Variants in ARFGAP2 observed in about 807,000 individuals in gnomAD.
The protein encoded by ARFGAP2 is ARF GTPase activating protein 2.
A neutral mutation model predicts 71.9 loss-of-function variants in ARFGAP2; 45 were observed. That is an observed-to-expected ratio of 0.63 (90% CI 0.49 to 0.80). The LOEUF (loss-of-function observed/expected upper bound fraction) is 0.80, where lower values mean the gene tolerates loss of function less well. Among genes scored for constraint, ARFGAP2 ranks in the 30% least tolerant of loss-of-function variants. The pLI is 0.00. For synonymous variants in ARFGAP2, 248 were observed against 249.2 expected, an observed-to-expected ratio of 1.00 and a Z score of 0.05; for missense variants, 633 against 673.9, an observed-to-expected ratio of 0.94 and a Z score of 0.67.
intron 10 of ARFGAP2, chr11:47,168,515 T>C (rs1316464245): frequency 6.2e-6 from 2 of 320,580 alleles, no homozygotes; most frequent in African/African-American, 2.1e-5. Flanking sequence ...TTGCCTGTTA[T>C]AATTTAATTT....
In ARFGAP2 at chr11:47,171,552, G is replaced by A. The variant is rs1359808677; in HGVS notation, c.815C>T (p.Ala272Val). 5.0e-6 allele frequency: 8 copies of A among 1,614,166 alleles called. No individual in the cohort carries two copies. The highest frequency in any genetic ancestry group is 1.7e-5 in the Admixed American group (1 of 60,016). ...AKKQAEESMV[A>V]SMRLAYQELQ... ...CTCCTGGTAGGCCAGACGCATGGAG[G>A]CGACCCTTAGGGGGAACAAAGGTGT... Residue 272 changes from alanine to valine, a missense_variant, in exon 10 of 16, where the codon GCC becomes GTC. Ala to Val is a moderately conservative substitution (Grantham distance 64). Coordinates refer to ENST00000524782, the MANE Select transcript of ARFGAP2 (RefSeq NM_032389.6).
rs748817173 is a variant in ARFGAP2 at position 47,166,826 on chromosome 11, A to G, written c.1266T>C (p.Arg422=). ...TGGCTTTGGCTCCTGCGAATTTCTG[A>G]CGCGCCTCACTAGACTCGAGGCCTG... The part of the protein sequence containing the change: ...RSSGLESSEA[R]QKFAGAKAIS... The change falls in exon 13 of 16, where the codon CGT becomes CGC. Residue 422 remains arginine, a synonymous_variant. Coordinates refer to ENST00000524782, the MANE Select transcript of ARFGAP2 (RefSeq NM_032389.6). 7.4e-6 allele frequency: 12 copies of G among 1,613,906 alleles called. No homozygotes were observed. In the Admixed American group the frequency reaches 2.0e-4, roughly 27 times the overall value.
intron 15 of ARFGAP2, 142 bp downstream of exon 15, chr11:47,166,126 T>C: frequency 1.3e-6 from 1 of 798,076 alleles, no homozygotes; most frequent in Non-Finnish European, 2.1e-6. Flanking sequence ...AGCCTCCCAG[T>C]GCTGGGATTA....
Position 47,176,569 on chromosome 11 carries a change from G to A in ARFGAP2, c.138C>T (p.Cys46=). 1 of 1,614,042 alleles carries A rather than the reference G, an allele frequency of 6.2e-7. No homozygotes were observed. The highest frequency in any genetic ancestry group is 8.5e-7 in the Non-Finnish European group (1 of 1,180,034). The change falls in exon 2 of 16, where the codon TGC becomes TGT. Residue 46 remains cysteine, a synonymous_variant. Transcript: ENST00000524782. ...AGCGGTGCACCCCGGAACAGTCAAT[G>A]CACAAGAAAACACCGTACGTGATGC... ...WASITYGVFL[C]IDCSGVHRSL...
rs755729857 is a variant in ARFGAP2, at chr11:47,171,808, C to G, written c.673-8G>C. ...GCCTTTCTTGGCACCCAGCTGGGAACAGAATCATGTAAGGGGCCTTCCCAA... is the reference window on the plus strand; with the variant it reads ...GCCTTTCTTGGCACCCAGCTGGGAAGAGAATCATGTAAGGGGCCTTCCCAA... On this transcript the variant is annotated splice_region_variant and splice_polypyrimidine_tract_variant and intron_variant, in intron 8 of 15. Transcript: ENST00000524782. The G allele has an allele frequency of 6.2e-6, 10 of 1,613,138 alleles. No individual in the cohort carries two copies. The South Asian group carries it at 9.9e-5, about 16-fold the overall frequency.
chr11:47,171,665 T>TA lies in ARFGAP2; in HGVS notation c.807_808insT (p.Met270TyrfsTer15), dbSNP rs1283988114. The TA allele has an allele frequency of 6.2e-7, 1 of 1,613,656 alleles. No individual in the cohort carries two copies. The highest frequency in any genetic ancestry group is 8.5e-7 in the Non-Finnish European group (1 of 1,180,030). ...GAGGCCCCGGCAGCAAACACTTACA[T>TA]GGACTCCTCCGCCTGCTTCTTGGCA... On this transcript the variant is annotated frameshift_variant and splice_region_variant, in exon 9 of 16. Transcript: ENST00000524782. LOFTEE classifies it high-confidence loss of function.
intron 12 of ARFGAP2, 142 bp downstream of exon 12, chr11:47,167,767 T>C: frequency 2.9e-6 from 3 of 1,043,082 alleles, no homozygotes; most frequent in Non-Finnish European, 1.3e-6. Flanking sequence ...AGCCACATAG[T>C]AGTGGCTACC....
intron 7 of ARFGAP2, 63 bp downstream of exon 7, chr11:47,173,363 G>T: frequency 6.5e-7 from 1 of 1,536,248 alleles, no homozygotes; most frequent in South Asian, 1.2e-5. Context: ...TAGGACCTCT[G>T]AAAAGAACAT....
At position 47,171,722 on chromosome 11, in the gene ARFGAP2, C is replaced by T. The variant is rs770708048; in HGVS notation, c.751G>A (p.Ala251Thr). 3.1e-6 allele frequency: 5 copies of T among 1,613,842 alleles called. No individual in the cohort carries two copies. In the East Asian group the frequency reaches 1.1e-4, roughly 36 times the overall value. ...GCCTGCTGCTCACGGAGCTTCTCTG[C>T]CACCTGAGCCTGCCGCTCAATCTCA... ...FSEIERQAQV[A>T]EKLREQQAAD... Residue 251 changes from alanine (A) to threonine (T), a missense_variant, in exon 9 of 16, where the codon GCA becomes ACA. By Grantham distance (58) the Ala-to-Thr change is moderately conservative. Transcript: ENST00000524782.
rs1952779788 is a variant in ARFGAP2 at position 47,175,633 on chromosome 11, G to C, written c.264+218C>G. The C allele has an allele frequency of 3.6e-5, 23 of 639,622 alleles. 1 individual carries two copies. In the South Asian group the frequency reaches 4.5e-4, roughly 12 times the overall value. 39.6% of individuals were successfully genotyped at this position (639,622 alleles called of 1,614,324 possible). A position where few individuals can be genotyped will look rare whatever the true frequency, so the allele number is the denominator to read the frequency against. ...GACTGTGAAGGCTCCCAACTCCTGT[G>C]GCTTTTCCCCAAGAACACCTGCCCA... is the stretch of plus-strand genomic sequence containing the variant. On this transcript the variant is annotated intron_variant, in intron 3 of 15. Coordinates refer to ENST00000524782, the MANE Select transcript of ARFGAP2 (RefSeq NM_032389.6).
chr11:47,175,278 A>G lies in ARFGAP2; in HGVS notation c.300T>C (p.Asn100=), dbSNP rs748028617. The G allele has an allele frequency of 6.8e-6, 11 of 1,614,160 alleles. No individual in the cohort carries two copies. The East Asian group carries it at 2.2e-4, about 33-fold the overall frequency. The stretch of plus-strand genomic sequence containing the variant: ...GGCTATTATATTTGGTGTTGGCATC[A>G]TTGGCTGTGCATCCATGTTGGCGAA... ...AFFRQHGCTA[N]DANTKYNSRA... Residue 100 remains asparagine (N), a synonymous_variant, in exon 4 of 16, where the codon AAT becomes AAC. Transcript: ENST00000524782.
chr11:47,175,063 AT>A lies in ARFGAP2; in HGVS notation c.431del (p.Asn144IlefsTer65). 6.2e-7 allele frequency: 1 copy of A among 1,614,180 alleles called. No individual in the cohort carries two copies. Among genetic ancestry groups the A allele is most frequent in the Non-Finnish European group, 8.5e-7 (1 of 1,180,030 alleles). ...CAGAGTCCTTCTTCTCTGGGGAGTG[AT>A]TAGGAACGGCACTACTCATGTTGTC... ...WIDNMSSAVP[N>X]HSPEKKDSDF... is the part of the protein sequence containing the mutation. On this transcript the variant is annotated frameshift_variant, in exon 5 of 16. Coordinates refer to ENST00000524782, the MANE Select transcript of ARFGAP2 (RefSeq NM_032389.6). LOFTEE classifies it high-confidence loss of function.
Position 47,165,262 on chromosome 11 carries a change from G to A in ARFGAP2, c.*220C>T, listed in dbSNP as rs1952302571. On this transcript the variant is annotated 3_prime_UTR_variant, in exon 16 of 16. Coordinates refer to ENST00000524782, the MANE Select transcript of ARFGAP2 (RefSeq NM_032389.6). The stretch of plus-strand genomic sequence containing the variant: ...AAGAGTCTAACACACGGAGGGTGGT[G>A]TGAGAGGGAATAAAGGGCTCAGTCC... 1 of 439,634 alleles carries A rather than the reference G, an allele frequency of 2.3e-6. No individual in the cohort carries two copies. The highest frequency in any genetic ancestry group is 4.0e-6 in the Non-Finnish European group (1 of 252,956). 27.2% of individuals were successfully genotyped at this position (439,634 alleles called of 1,614,324 possible). A position where few individuals can be genotyped will look rare whatever the true frequency, so the allele number is the denominator to read the frequency against.
At chr11:47,172,481 G>A (rs775939995) in intron 7 of ARFGAP2, 148 bp from the exon 8 acceptor site, 42 of 1,121,098 alleles carry the variant, frequency 3.7e-5, no homozygotes, top group East Asian at 2.4e-4. Flanking sequence ...TCCAACCAGC[G>A]GTGTCAAAGC....
chr11:47,167,936 A>G lies in ARFGAP2; in HGVS notation c.1178T>C (p.Ile393Thr), dbSNP rs1952450746. ...RVEEKEPEVT[I>T]SSIRPISERA... ...TTCTGAAATAGGCCGGATGCTTGAG[A>G]TGGTCACTTCTGGCTCCTTCTCCTC... is the stretch of plus-strand genomic sequence containing the variant. Residue 393 changes from isoleucine (I) to threonine (T), a missense_variant, in exon 12 of 16, where the codon ATC (isoleucine) becomes ACC (threonine). Physicochemically the swap from Ile to Thr is moderately conservative, Grantham distance 89. Transcript: ENST00000524782. The G allele has an allele frequency of 1.9e-6, 3 of 1,612,958 alleles. No individual in the cohort carries two copies. Among genetic ancestry groups the G allele is most frequent in the Non-Finnish European group, 2.5e-6 (3 of 1,179,600 alleles).
Position 47,176,768 on chromosome 11 carries a change from C to G in ARFGAP2, c.72+14G>C. The G allele has an allele frequency of 6.2e-7, 1 of 1,614,122 alleles. No individual in the cohort carries two copies. Among genetic ancestry groups the G allele is most frequent in the Non-Finnish European group, 8.5e-7 (1 of 1,180,006 alleles). On this transcript the variant is annotated intron_variant, in intron 1 of 15. Transcript: ENST00000524782. ...AGCGGGACGAGAGACTCCGCGCGCC[C>G]CCTGCTCACGCACCTTGTTGGTTGG...
intron 8 of ARFGAP2, 133 bp downstream of exon 8, chr11:47,172,148 A>G (rs1952625507): frequency 1.1e-6 from 1 of 932,476 alleles, no homozygotes; most frequent in Non-Finnish European, 1.7e-6. Context: ...AATCCCTTTC[A>G]CAGGCGAGGT....
At position 47,173,411 on chromosome 11, in the gene ARFGAP2, C is replaced by A. The variant is rs572667447; in HGVS notation, c.619+15G>T. On this transcript the variant is annotated intron_variant, in intron 7 of 15. Transcript: ENST00000524782. ...CTCTCCCAGACACCCCACGCCTGCC[C>A]GCTGGCATACTGACCCAGTGAGGCT... 1.3e-6 allele frequency: 2 copies of A among 1,552,764 alleles called. No individual in the cohort carries two copies. Among genetic ancestry groups the A allele is most frequent in the East Asian group, 2.4e-5 (1 of 41,124 alleles).
intron 10 of ARFGAP2, among the ~76,000 whole-genome samples, chr11:47,170,187 G>A (rs1952539504): frequency 6.6e-6 from 1 of 151,090 alleles, no homozygotes. Flanking sequence ...AGCTGGGCAT[G>A]GTGGCACATG....
Sources: gnomAD v4.1 joint callset for allele counts (sites outside exome capture counted in the v4.1 genomes callset) on GRCh38, gnomAD v4.1.1 for gene constraint, MANE v1.5 for transcripts, NCBI Gene and HGNC (gene_info 2026-07-23, HGNC 2026-07-21) for gene names.